ZNF81: variants seen among roughly 807,000 people sequenced by gnomAD.
ZNF81 encodes zinc finger protein 81 (HFZ20).
Under a neutral mutation model 32.3 loss-of-function variants are expected in ZNF81, and 5 were observed. The observed-to-expected ratio is 0.15, with a 90% CI of 0.08 to 0.33. ZNF81 has a LOEUF of 0.33. Among genes scored for constraint, ZNF81 ranks in the 10% least tolerant of loss-of-function variants. The pLI is 1.00. For missense variants in ZNF81, 379 were observed against 479.8 expected, an observed-to-expected ratio of 0.79 and a Z score of 1.96; for synonymous variants, 163 against 166.8, an observed-to-expected ratio of 0.98 and a Z score of 0.17.
intron 4 of ZNF81, among the ~76,000 whole-genome samples, chrX:47,905,281 G>A (rs782274181): frequency 0.011 from 1,177 of 106,021 alleles, 8 homozygotes; most frequent in Middle Eastern, 0.038. Context: ...TGTGGTGGCG[G>A]GTGCCTGTAA....
intron 3 of ZNF81, among the ~76,000 whole-genome samples, chrX:47,895,364 G>A (rs1181461832): frequency 9.0e-6 from 1 of 111,406 alleles, no homozygotes; most frequent in African/African-American, 3.3e-5. Flanking sequence ...AGCATGCGTA[G>A]AGGGAAGACA....
intron 1 of ZNF81, among the ~76,000 whole-genome samples, chrX:47,840,259 A>G (rs1168717477): frequency 9.2e-6 from 1 of 109,202 alleles, no homozygotes; most frequent in South Asian, 3.9e-4. Flanking sequence ...GGCTTGGTCG[A>G]CTGCTGCAGG....
intron 3 of ZNF81, among the ~76,000 whole-genome samples, chrX:47,894,481 C>T (rs781870867): frequency 8.9e-6 from 1 of 111,736 alleles, no homozygotes; most frequent in African/African-American, 3.3e-5. Context: ...CATGAGGGAC[C>T]CGAAGTGGTC....
intron 4 of ZNF81, 143 bp from the exon 5 acceptor site, chrX:47,914,781 T>G (rs991526815): frequency 5.6e-6 from 3 of 534,098 alleles, no homozygotes; most frequent in Non-Finnish European, 8.9e-6. Context: ...CACATAAAAG[T>G]GCTATATATG....
chrX:47,855,027 G>A (rs988897000), intron 2 of ZNF81, among the ~76,000 whole-genome samples: 1 of 110,065 alleles, frequency 9.1e-6, no homozygotes, highest in African/African-American at 3.3e-5. Flanking sequence ...CCGGGAGGCA[G>A]AGGTTGCAGT....
chrX:47,863,131 A>G (rs1556882815), intron 2 of ZNF81, among the ~76,000 whole-genome samples: 2 of 111,628 alleles, frequency 1.8e-5, no homozygotes. Context: ...TCTTTTGCAG[A>G]CAGTGTTTCC....
intron 2 of ZNF81, among the ~76,000 whole-genome samples, chrX:47,880,451 C>T (rs934906622): frequency 7.2e-5 from 8 of 111,733 alleles, no homozygotes; most frequent in Admixed American, 2.8e-4. Flanking sequence ...TGGGCTGAAG[C>T]GATCTACCCA....
rs1354728099 is a variant in ZNF81 at position 47,917,167 on chromosome X, G to C, written c.*535G>C. 3.4e-6 allele frequency: 1 copy of C among 292,553 alleles called. No individual in the cohort carries two copies. Among genetic ancestry groups the C allele is most frequent in the Non-Finnish European group, 6.0e-6 (1 of 167,221 alleles). The allele number at this position is 292,553 out of a possible 1,213,427, so 24.1% of individuals were successfully genotyped here. A position where few individuals can be genotyped will look rare whatever the true frequency, so the allele number is the denominator to read the frequency against. On this transcript the variant is annotated 3_prime_UTR_variant, in exon 5 of 5. Transcript: ENST00000338637. ...TTTAGAATAATTATGTCCATCAAAT[G>C]TTTCTTACTGAATATGTCTATCAAA...
At position 47,918,337 on chromosome X, in the gene ZNF81, A is replaced by G. The variant is rs2058764481; in HGVS notation, c.*1705A>G. The G allele has an allele frequency of 9.0e-6, 1 of 111,355 alleles. No homozygotes were observed. Among genetic ancestry groups the G allele is most frequent in the African/African-American group, 3.3e-5 (1 of 30,687 alleles). The allele number at this position is 111,355 out of a possible 1,213,427, so 9.2% of individuals were successfully genotyped here. ...GGTTGTGTCTGTAAGACTCTTTATT[A>G]CAGTGTGTGAAATAGTTCAGTTGGT... On this transcript the variant is annotated 3_prime_UTR_variant, in exon 5 of 5. Transcript: ENST00000338637.
chrX:47,855,159 TAAA>T (rs1569375368), intron 2 of ZNF81, among the ~76,000 whole-genome samples: 8 of 48,003 alleles, frequency 1.7e-4, no homozygotes, highest in South Asian at 1.0e-3. Flanking sequence ...ATCAAAAAAA[TAAA>T]TAAATTAATT....
At chrX:47,903,066 A>G (rs1556888277) in intron 4 of ZNF81, among the ~76,000 whole-genome samples, 1 of 111,100 alleles carries the variant, frequency 9.0e-6, no homozygotes, top group East Asian at 2.8e-4. Context: ...ATCTCAAAAT[A>G]ATAAGAGCTA....
intron 2 of ZNF81, among the ~76,000 whole-genome samples, chrX:47,886,309 T>C (rs782241096): frequency 8.9e-6 from 1 of 111,737 alleles, no homozygotes; most frequent in East Asian, 2.8e-4. Context: ...GTTTAATTCC[T>C]CTGACTATTG....
chrX:47,912,149 G>T (rs782553493), intron 4 of ZNF81, among the ~76,000 whole-genome samples: 1 of 109,941 alleles, frequency 9.1e-6, no homozygotes, highest in East Asian at 2.8e-4. Flanking sequence ...TAATTGTCTG[G>T]TACAGCAAGG....
At position 47,919,902 on chromosome X, in the gene ZNF81, A is replaced by G. The variant is rs2058770439; in HGVS notation, c.*3270A>G. 1 of 111,991 alleles carries G rather than the reference A, an allele frequency of 8.9e-6. No individual in the cohort carries two copies. Among genetic ancestry groups the G allele is most frequent in the Admixed American group, 9.5e-5 (1 of 10,576 alleles). The allele number at this position is 111,991 out of a possible 1,213,427, so 9.2% of individuals were successfully genotyped here. A position where few individuals can be genotyped will look rare whatever the true frequency, so the allele number is the denominator to read the frequency against. On this transcript the variant is annotated 3_prime_UTR_variant, in exon 5 of 5. Coordinates refer to ENST00000338637, the MANE Select transcript of ZNF81 (RefSeq NM_007137.5). ...TTTAACTCCCTGTCTGATAGTTCCAACTACTAGGTCAACTGAGTCTAGGTC... is the reference window on the plus strand; with the variant it reads ...TTTAACTCCCTGTCTGATAGTTCCAGCTACTAGGTCAACTGAGTCTAGGTC...
chrX:47,899,661 G>T (rs782566775), intron 4 of ZNF81, among the ~76,000 whole-genome samples: 72 of 111,149 alleles, frequency 6.5e-4, no homozygotes, highest in Admixed American at 7.7e-4. Flanking sequence ...CTTTGTGTGA[G>T]ATTATTATTT....
At chrX:47,861,775 T>A (rs1202567717) in intron 2 of ZNF81, among the ~76,000 whole-genome samples, 2 of 112,494 alleles carry the variant, frequency 1.8e-5, no homozygotes, top group Non-Finnish European at 3.8e-5. Context: ...TTGACCTTTC[T>A]ACTTGGCTTC....
At chrX:47,870,387 A>G (rs60690958) in intron 2 of ZNF81, among the ~76,000 whole-genome samples, 6,988 of 112,088 alleles carry the variant, frequency 0.062, 244 homozygotes, top group African/African-American at 0.14. Context: ...AAGTCAGTGA[A>G]TCTTGGCCAA....
intron 2 of ZNF81, among the ~76,000 whole-genome samples, chrX:47,884,535 C>G (rs782007916): frequency 5.4e-5 from 6 of 110,956 alleles, no homozygotes; most frequent in African/African-American, 2.0e-4. Flanking sequence ...CAGTTTCTTG[C>G]AGGCTGTTGT....
intron 2 of ZNF81, among the ~76,000 whole-genome samples, chrX:47,847,031 C>T (rs781803712): frequency 1.8e-5 from 2 of 112,378 alleles, no homozygotes; most frequent in South Asian, 7.4e-4. Flanking sequence ...ACTATATACA[C>T]ATCAATCATT....
Sources: allele counts gnomAD v4.1 joint callset (sites outside exome capture counted in the v4.1 genomes callset), GRCh38; gene constraint gnomAD v4.1.1; transcripts MANE v1.5; gene names NCBI Gene and HGNC (gene_info 2026-07-23, HGNC 2026-07-21).